The following THSD7B variants were observed in gnomAD, a reference collection of about 807,000 sequenced individuals.
THSD7B encodes the protein thrombospondin type 1 domain containing 7B.
Under a neutral mutation model 213.6 loss-of-function variants are expected in THSD7B, and 138 were observed. The ratio of observed to expected loss-of-function variants is 0.65; its 90% CI spans 0.56 to 0.74. The LOEUF is 0.74. THSD7B is among the 30% of genes least tolerant of loss of function. The pLI, the probability that THSD7B is intolerant of heterozygous loss-of-function variation, is 0.00. For synonymous variants in THSD7B, 742 were observed against 687.0 expected (o/e 1.08, Z -1.25); for missense variants, 1,931 against 1,991.5 (o/e 0.97, Z 0.58).
intron 12 of THSD7B, among the ~76,000 whole-genome samples, chr2:137,361,084 C>T (rs1006567445): frequency 3.9e-5 from 6 of 152,164 alleles, no homozygotes; most frequent in Non-Finnish European, 5.9e-5. Flanking sequence ...TACCCAGGCA[C>T]ACAGGGTCAG....
intron 7 of THSD7B, among the ~76,000 whole-genome samples, chr2:137,180,660 G>A (rs1680436974): frequency 1.3e-5 from 2 of 152,162 alleles, no homozygotes; most frequent in South Asian, 2.1e-4. Context: ...AGGCAGAGAT[G>A]TTGATAGTTT....
chr2:137,565,304 TAG>T (rs1681212951), intron 16 of THSD7B, among the ~76,000 whole-genome samples: 1 of 152,174 alleles, frequency 6.6e-6, no homozygotes, highest in Non-Finnish European at 1.5e-5. Flanking sequence ...AGAAATTTAT[TAG>T]GCTCATGGCT....
intron 2 of THSD7B, among the ~76,000 whole-genome samples, chr2:137,004,516 C>T (rs562937124): frequency 5.9e-5 from 9 of 152,218 alleles, no homozygotes; most frequent in Admixed American, 4.6e-4. Flanking sequence ...CAATGAAATA[C>T]AAAAATACAA....
chr2:136,786,997 C>CATAT (rs1681867148), intron 1 of THSD7B, among the ~76,000 whole-genome samples: 1 of 152,108 alleles, frequency 6.6e-6, no homozygotes, highest in Non-Finnish European at 1.5e-5. Flanking sequence ...TTGAGTGAGG[C>CATAT]ATATGTTGGT....
chr2:137,507,083 G>C (rs569027810), intron 15 of THSD7B, among the ~76,000 whole-genome samples: 2 of 152,244 alleles, frequency 1.3e-5, no homozygotes, highest in Non-Finnish European at 1.5e-5. Flanking sequence ...TCCTTGAAAG[G>C]AAAATAGATA....
chr2:137,061,437 T>G (rs2104881535), intron 3 of THSD7B, among the ~76,000 whole-genome samples: 1 of 149,268 alleles, frequency 6.7e-6, no homozygotes, highest in South Asian at 2.1e-4. Context: ...CTTTTTTTTT[T>G]GTACTGGGAA....
chr2:136,769,364 A>G (rs1180360042), intron 1 of THSD7B, among the ~76,000 whole-genome samples: 1 of 152,184 alleles, frequency 6.6e-6, no homozygotes, highest in African/African-American at 2.4e-5. Flanking sequence ...GTGATTTAGT[A>G]TGATCATTTT....
chr2:137,441,639 T>G (rs1251266436), intron 14 of THSD7B, among the ~76,000 whole-genome samples: 2 of 152,098 alleles, frequency 1.3e-5, no homozygotes, highest in African/African-American at 4.8e-5. Context: ...AAGGGGCTAT[T>G]ATAATAGTTC....
At chr2:137,533,704 A>C (rs191743974) in intron 15 of THSD7B, among the ~76,000 whole-genome samples, 1 of 152,018 alleles carries the variant, frequency 6.6e-6, no homozygotes, top group East Asian at 1.9e-4. Flanking sequence ...TAATGTAGTC[A>C]TAGCATGTGA....
At chr2:137,580,999 T>A (rs905592745) in intron 17 of THSD7B, among the ~76,000 whole-genome samples, 1 of 152,098 alleles carries the variant, frequency 6.6e-6, no homozygotes, top group East Asian at 1.9e-4. Flanking sequence ...GAGATTTGGG[T>A]GGGGATAAAT....
intron 7 of THSD7B, among the ~76,000 whole-genome samples, chr2:137,188,961 C>T (rs891949212): frequency 6.6e-6 from 1 of 152,140 alleles, no homozygotes; most frequent in African/African-American, 2.4e-5. Context: ...CCATTTATCC[C>T]CATTGTCCTG....
intron 2 of THSD7B, among the ~76,000 whole-genome samples, chr2:136,971,639 TACACACACACAC>T (rs6146927): frequency 7.4e-6 from 1 of 135,306 alleles, no homozygotes; most frequent in Non-Finnish European, 1.6e-5. Flanking sequence ...CAACAACAAA[TACACACACACAC>T]ACACACACAC....
chr2:136,779,196 ATATGTGTGTG>A (rs150126932), intron 1 of THSD7B, among the ~76,000 whole-genome samples: 11,316 of 134,196 alleles, frequency 0.084, 542 homozygotes, highest in East Asian at 0.21. Flanking sequence ...CTATATATAT[ATATGTGTGTG>A]TGTGTGTGTG....
intron 17 of THSD7B, among the ~76,000 whole-genome samples, chr2:137,591,164 T>C (rs1485686299): frequency 6.6e-6 from 1 of 151,962 alleles, no homozygotes; most frequent in Non-Finnish European, 1.5e-5. Context: ...TCTTTTTATT[T>C]TCTAATTTAT....
intron 17 of THSD7B, among the ~76,000 whole-genome samples, chr2:137,599,281 CATT>C (rs1047104513): frequency 1.1e-4 from 17 of 151,968 alleles, no homozygotes; most frequent in African/African-American, 4.1e-4. Context: ...TCCAGTCTAT[CATT>C]GTTGGACATT....
intron 14 of THSD7B, among the ~76,000 whole-genome samples, chr2:137,430,462 G>A (rs1687151505): frequency 6.6e-6 from 1 of 152,104 alleles, no homozygotes. Flanking sequence ...CTCTGGTGAA[G>A]TAAAAATACA....
At chr2:136,957,779 T>G (rs189068124) in intron 2 of THSD7B, among the ~76,000 whole-genome samples, 1 of 152,304 alleles carries the variant, frequency 6.6e-6, no homozygotes, top group Non-Finnish European at 1.5e-5. Context: ...TCGAATTGTG[T>G]GCATTAAATT....
At chr2:136,925,651 C>T (rs1055264704) in intron 2 of THSD7B, among the ~76,000 whole-genome samples, 2 of 152,042 alleles carry the variant, frequency 1.3e-5, no homozygotes, top group Non-Finnish European at 2.9e-5. Context: ...GCTGTGCCTT[C>T]GTGTGATTTT....
At chr2:137,669,580 A>G (rs1683519953) in intron 27 of THSD7B, among the ~76,000 whole-genome samples, 1 of 152,218 alleles carries the variant, frequency 6.6e-6, no homozygotes, top group East Asian at 1.9e-4. Flanking sequence ...AAAGATTAAA[A>G]CAAGGAGGAA....
Sources: allele counts gnomAD v4.1 joint callset (sites outside exome capture counted in the v4.1 genomes callset), GRCh38; gene constraint gnomAD v4.1.1; transcripts MANE v1.5; gene names NCBI Gene and HGNC (gene_info 2026-07-23, HGNC 2026-07-21).